PCED1B: variants seen among roughly 807,000 people sequenced by gnomAD.
The protein encoded by PCED1B is PC-esterase domain containing 1B, also known as PC-esterase domain-containing protein 1B.
For missense variants in PCED1B, 573 were observed against 573.9 expected (o/e 1.00, Z 0.02); for synonymous variants, 251 against 246.1 (o/e 1.02, Z -0.19).
chr12:47,188,817 C>CT (rs1942356355), intron 2 of PCED1B, among the ~76,000 whole-genome samples: 1 of 152,212 alleles, frequency 6.6e-6, no homozygotes, highest in African/African-American at 2.4e-5. Flanking sequence ...CACTCATTCT[C>CT]CGTAAAAAAC....
At chr12:47,086,353 C>A (rs1937980654) in intron 1 of PCED1B, among the ~76,000 whole-genome samples, 1 of 98,962 alleles carries the variant, frequency 1.0e-5, no homozygotes, top group Admixed American at 1.4e-4. Flanking sequence ...GTACTATGTG[C>A]TTATGGTAAA....
At chr12:47,205,593 A>C (rs1426782931) in intron 2 of PCED1B, among the ~76,000 whole-genome samples, 1 of 152,222 alleles carries the variant, frequency 6.6e-6, no homozygotes, top group African/African-American at 2.4e-5. Flanking sequence ...CAGCTTGGAA[A>C]TTAGAAGCAA....
At position 47,149,905 on chromosome 12, in the gene PCED1B, CTT is replaced by C. The variant is rs540460908; in HGVS notation, c.-526+45711_-526+45712del. 2.2e-3 allele frequency among the ~76,000 whole-genome samples: 336 copies of C among 152,278 alleles called. 2 individuals are homozygous for C. The highest frequency in any genetic ancestry group is 3.0e-3 in the Non-Finnish European group (207 of 68,012). The stretch of plus-strand genomic sequence containing the variant: ...TATGCTGGCAGTTTATCAATTGACA[CTT>C]ATTATCAACAGCTAAAACATCTTAA... On this transcript the variant is annotated intron_variant, in intron 2 of 3. Transcript: ENST00000546455.
At chr12:47,169,817 T>C in intron 2 of PCED1B, among the ~76,000 whole-genome samples, 1 of 150,718 alleles carries the variant, frequency 6.6e-6, no homozygotes, top group Non-Finnish European at 1.5e-5. Flanking sequence ...ATCATGCCGC[T>C]GTATTTCAGC....
intron 1 of PCED1B, among the ~76,000 whole-genome samples, chr12:47,080,516 CG>C (rs1302001943): frequency 1.3e-5 from 2 of 152,142 alleles, no homozygotes; most frequent in African/African-American, 4.8e-5. Context: ...GGAGGGAAGT[CG>C]GGAACGTTTC....
chr12:47,084,901 C>T (rs140812746), intron 1 of PCED1B, among the ~76,000 whole-genome samples: 2 of 152,220 alleles, frequency 1.3e-5, no homozygotes, highest in African/African-American at 4.8e-5. Context: ...TTTGGGAGGC[C>T]GAGGCTAGTG....
intron 2 of PCED1B, among the ~76,000 whole-genome samples, chr12:47,186,078 T>G (rs563037506): frequency 6.6e-6 from 1 of 151,802 alleles, no homozygotes; most frequent in East Asian, 2.0e-4. Context: ...ATTAGCCAGA[T>G]GTGGTGGCAC....
intron 2 of PCED1B, among the ~76,000 whole-genome samples, chr12:47,207,124 G>C (rs746001357): frequency 6.6e-6 from 1 of 152,104 alleles, no homozygotes; most frequent in Non-Finnish European, 1.5e-5. Flanking sequence ...TCTAGCTCAG[G>C]GCCTTGAGGG....
intron 3 of PCED1B, among the ~76,000 whole-genome samples, chr12:47,222,186 G>A (rs1342487566): frequency 2.7e-5 from 4 of 150,500 alleles, no homozygotes; most frequent in East Asian, 2.0e-4. Flanking sequence ...TTGGGAGGCC[G>A]AGGAGGGTGG....
intron 2 of PCED1B, among the ~76,000 whole-genome samples, chr12:47,132,203 G>A (rs1940162644): frequency 1.3e-5 from 2 of 152,102 alleles, no homozygotes; most frequent in African/African-American, 4.8e-5. Context: ...ATTTGCATGT[G>A]AGCTTCTTCT....
chr12:47,089,324 G>A (rs1399764598), intron 1 of PCED1B, among the ~76,000 whole-genome samples: 2 of 151,102 alleles, frequency 1.3e-5, no homozygotes, highest in South Asian at 4.2e-4. Context: ...ACGGGCACCT[G>A]TAGTCCCAGC....
At chr12:47,125,664 A>T (rs1939858545) in intron 2 of PCED1B, among the ~76,000 whole-genome samples, 1 of 152,002 alleles carries the variant, frequency 6.6e-6, no homozygotes, top group South Asian at 2.1e-4. Context: ...ACACTTATTT[A>T]GATCTTTAAC....
At chr12:47,174,605 C>T (rs142715791) in intron 2 of PCED1B, among the ~76,000 whole-genome samples, 15 of 152,264 alleles carry the variant, frequency 9.9e-5, no homozygotes, top group African/African-American at 3.1e-4. Context: ...TTGCTCTTAG[C>T]GCCTCATCTA....
chr12:47,206,843 A>G (rs1015344842), intron 2 of PCED1B, among the ~76,000 whole-genome samples: 5 of 152,280 alleles, frequency 3.3e-5, no homozygotes, highest in Admixed American at 2.0e-4. Context: ...TACAGACACT[A>G]CCCTGTTTCT....
At chr12:47,094,006 T>C (rs1184781023) in intron 1 of PCED1B, among the ~76,000 whole-genome samples, 1 of 152,102 alleles carries the variant, frequency 6.6e-6, no homozygotes. Context: ...CTTTTTCTGC[T>C]ATGTGTTTGA....
At chr12:47,200,245 T>C (rs1019693922) in intron 2 of PCED1B, among the ~76,000 whole-genome samples, 4 of 150,068 alleles carry the variant, frequency 2.7e-5, no homozygotes, top group African/African-American at 9.8e-5. Context: ...TATTCAACAG[T>C]ATGAAAGCAA....
intron 3 of PCED1B, among the ~76,000 whole-genome samples, chr12:47,218,338 G>T (rs1439967269): frequency 6.6e-6 from 1 of 152,194 alleles, no homozygotes; most frequent in African/African-American, 2.4e-5. Flanking sequence ...CAAGATTCTT[G>T]TTCCTCAGCT....
chr12:47,139,931 C>T (rs774907595), intron 2 of PCED1B, among the ~76,000 whole-genome samples: 7 of 151,614 alleles, frequency 4.6e-5, no homozygotes, highest in African/African-American at 7.3e-5. Flanking sequence ...ATGTGTGTTT[C>T]GTGTGAGTAG....
chr12:47,214,345 A>G (rs939765491), intron 2 of PCED1B, among the ~76,000 whole-genome samples: 1 of 152,218 alleles, frequency 6.6e-6, no homozygotes, highest in Admixed American at 6.5e-5. Flanking sequence ...GCATACTATT[A>G]AAAAAAGCTA....
Sources: gnomAD v4.1 joint callset for allele counts (sites outside exome capture counted in the v4.1 genomes callset) on GRCh38, gnomAD v4.1.1 for gene constraint, MANE v1.5 for transcripts, NCBI Gene and HGNC (gene_info 2026-07-23, HGNC 2026-07-21) for gene names.